The following RASGRP4 variants were observed in gnomAD, a reference collection of about 807,000 sequenced individuals.
The protein encoded by RASGRP4 is RAS guanyl-releasing protein 4.
Under a neutral mutation model 84.4 loss-of-function variants are expected in RASGRP4, and 52 were observed. That is an observed-to-expected ratio of 0.62 (90% CI 0.49 to 0.78). The LOEUF is 0.78. Among genes scored for constraint, RASGRP4 ranks in the 30% least tolerant of loss-of-function variants. The probability of loss-of-function intolerance (pLI) is 0.00; values close to 1 mark genes in which losing one functional copy is unlikely to be tolerated. For synonymous variants in RASGRP4, 356 were observed against 359.1 expected, an observed-to-expected ratio of 0.99 and a Z score of 0.10; for missense variants, 760 against 886.9, an observed-to-expected ratio of 0.86 and a Z score of 1.82.
Position 38,418,495 on chromosome 19 carries a change from C to T in RASGRP4, c.733G>A (p.Gly245Ser), listed in dbSNP as rs765995207. Reference sequence around the variant, plus strand: ...CAGCGGGACACGCTGTTGCTGAGACCTACGGAGCCCTCCAGGGCCGGGCAG... The same window carrying T: ...CAGCGGGACACGCTGTTGCTGAGACTTACGGAGCCCTCCAGGGCCGGGCAG... ...RGCPALEGSVGLSNSVSRWVQ... is the reference protein window; with the variant it reads ...RGCPALEGSVSLSNSVSRWVQ... The change falls in exon 7 of 17, where the codon GGT becomes AGT. Residue 245 changes from glycine to serine, a missense_variant. By Grantham distance (56) the Gly-to-Ser change is moderately conservative (BLOSUM62 0). Coordinates refer to ENST00000615439, the MANE Select transcript of RASGRP4 (RefSeq NM_170604.3). The surrounding 1 kb of genome is among the most constrained non-coding windows in gnomAD (Gnocchi z 4.6). 1.3e-6 allele frequency: 2 copies of T among 1,565,484 alleles called. No homozygotes were observed. Among genetic ancestry groups the T allele is most frequent in the Non-Finnish European group, 1.7e-6 (2 of 1,155,622 alleles).
Position 38,420,161 on chromosome 19 carries a change from G to T in RASGRP4, c.479C>A (p.Ala160Asp), listed in dbSNP as rs1442870500. The T allele has an allele frequency of 6.2e-7, 1 of 1,613,614 alleles. No individual in the cohort carries two copies. Among genetic ancestry groups the T allele is most frequent in the South Asian group, 1.1e-5 (1 of 91,048 alleles). Residue 160 changes from alanine (A) to aspartate (D), a missense_variant, in exon 5 of 17, where the codon GCC (alanine) becomes GAC (aspartate). Coordinates refer to ENST00000615439, the MANE Select transcript of RASGRP4 (RefSeq NM_170604.3). The stretch of plus-strand genomic sequence containing the variant: ...AGAAGAGTCTCCCAGTCTTCTCTGG[G>T]CTGAGTTGCCCTCCCGGGCCACGGT... ...WATVAREGNS[A>D]QRRLGDSSDL...
chr19:38,422,020 C>T lies in RASGRP4; in HGVS notation c.157G>A (p.Glu53Lys), dbSNP rs1221404707. Residue 53 changes from glutamate (E) to lysine (K), a missense_variant, in exon 2 of 17, where the codon GAG (glutamate) becomes AAG (lysine). Glu to Lys is a moderately conservative substitution (Grantham distance 56). Coordinates refer to ENST00000615439, the MANE Select transcript of RASGRP4 (RefSeq NM_170604.3). ...AGCTCATCTTCGCTGCAGCCGCCCT[C>T]ACTCAGCAGGCCCAGGTTCATGGAA... ...MASMNLGLLS[E>K]GGCSEDELLE... The T allele has an allele frequency of 6.2e-7, 1 of 1,613,442 alleles. No homozygotes were observed. The highest frequency in any genetic ancestry group is 2.2e-5 in the East Asian group (1 of 44,872).
In RASGRP4 at chr19:38,413,581, G is replaced by A; in HGVS notation, c.1231-107C>T. 1 of 914,058 alleles carries A rather than the reference G, an allele frequency of 1.1e-6. No homozygotes were observed. Among genetic ancestry groups the A allele is most frequent in the Non-Finnish European group, 1.7e-6 (1 of 581,966 alleles). The allele number at this position is 914,058 out of a possible 1,614,324, so 56.6% of individuals were successfully genotyped here. A position where few individuals can be genotyped will look rare whatever the true frequency, so the allele number is the denominator to read the frequency against. ...AAGCCCCTCCTGGGTTCAAATCCTG[G>A]CATTACTGCTGTGGGACAGTGGGCA... On this transcript the variant is annotated intron_variant, in intron 9 of 16. Transcript: ENST00000615439. The surrounding 1 kb of genome is among the most constrained non-coding windows in gnomAD (Gnocchi z 4.7).
In RASGRP4 at chr19:38,421,772, T is replaced by TTATA. The variant is rs59314692; in HGVS notation, c.208+193_208+196dup. ...TAAATATATATAATATACACATATA[T>TTATA]TATATATATATATAAATGTATATAT... On this transcript the variant is annotated intron_variant, in intron 2 of 16. Coordinates refer to ENST00000615439, the MANE Select transcript of RASGRP4 (RefSeq NM_170604.3). Among the ~76,000 whole-genome samples, 279 of 147,558 alleles carry TTATA rather than the reference T, an allele frequency of 1.9e-3. 3 individuals are homozygous for TTATA. The South Asian group carries it at 0.023, about 12-fold the overall frequency.
At position 38,409,210 on chromosome 19, in the gene RASGRP4, A is replaced by G. The variant is rs1334036948; in HGVS notation, c.*830T>C. On this transcript the variant is annotated 3_prime_UTR_variant, in exon 17 of 17. Transcript: ENST00000615439. ...CTCGACCCTCAAAGTTCTTTGCCCT[A>G]TAGCACATCTATCCTGTGCCGTGGG... is the stretch of plus-strand genomic sequence containing the variant. The G allele has an allele frequency of 8.9e-6, 2 of 223,616 alleles. No homozygotes were observed. Among genetic ancestry groups the G allele is most frequent in the Non-Finnish European group, 1.8e-5 (2 of 113,348 alleles). The allele number at this position is 223,616 out of a possible 1,614,324, so 13.9% of individuals were successfully genotyped here. A position where few individuals can be genotyped will look rare whatever the true frequency, so the allele number is the denominator to read the frequency against.
rs770658200 is a variant in RASGRP4 at position 38,419,932 on chromosome 19, G to A, written c.591C>T (p.Phe197=). The change falls in exon 6 of 17, where the codon TTC becomes TTT. Residue 197 remains phenylalanine (F), a synonymous_variant. Transcript: ENST00000615439. ...CCAGCTCCCCCGTCTCCAAGTGGTC[G>A]AAAAGCAAGGACACTTTGCGCTTTT... The part of the protein sequence containing the change: ...LGKKRKVSLL[F]DHLETGELAQ... 235 of 1,613,648 alleles carry A rather than the reference G, an allele frequency of 1.5e-4. 2 individuals carry two copies. In the South Asian group the frequency reaches 1.8e-3, roughly 12 times the overall value.
In RASGRP4 at chr19:38,413,491, TG is replaced by T; in HGVS notation, c.1231-18del. The T allele has an allele frequency of 6.3e-7, 1 of 1,576,574 alleles. No homozygotes were observed. ...CAGGGAGAGCTGGAGCAGACAGGGGTGTTACGGATCCTCCCATCTATAGCCC... is the reference window on the plus strand; with the variant it reads ...CAGGGAGAGCTGGAGCAGACAGGGGTTTACGGATCCTCCCATCTATAGCCC... On this transcript the variant is annotated intron_variant, in intron 9 of 16. Coordinates refer to ENST00000615439, the MANE Select transcript of RASGRP4 (RefSeq NM_170604.3). The surrounding 1 kb of genome is among the most constrained non-coding windows in gnomAD (Gnocchi z 4.7).
chr19:38,421,934 A>G (rs781528756), intron 2 of RASGRP4, 35 bp downstream of exon 2: 1 of 1,582,292 alleles, frequency 6.3e-7, no homozygotes, highest in African/African-American at 1.3e-5. Context: ...GCCCGAGGTT[A>G]GGGCCAGGGA....
intron 8 of RASGRP4, among the ~76,000 whole-genome samples, chr19:38,416,450 C>A (rs1415702666): frequency 1.7e-5 from 2 of 119,974 alleles, no homozygotes; most frequent in African/African-American, 7.1e-5. Context: ...GCGACAAGAG[C>A]GAGACTCTGT....
intron 16 of RASGRP4, 134 bp from the exon 17 acceptor site, chr19:38,410,230 CT>C: frequency 1.6e-6 from 1 of 626,124 alleles, no homozygotes; most frequent in Non-Finnish European, 2.7e-6. Context: ...CTGTGGAATC[CT>C]TTTTGTAACC....
At chr19:38,419,647 T>C (rs555708232) in intron 6 of RASGRP4, among the ~76,000 whole-genome samples, 2 of 152,346 alleles carry the variant, frequency 1.3e-5, no homozygotes, top group African/African-American at 4.8e-5. Context: ...TTGGCCAGGC[T>C]GGTCTCAAAC....
In RASGRP4 at chr19:38,419,720, A is replaced by C. The variant is rs563519265; in HGVS notation, c.663+140T>G. The C allele has an allele frequency of 5.7e-6, 5 of 883,142 alleles. No homozygotes were observed. The Admixed American group carries it at 8.2e-5, about 15-fold the overall frequency. The allele number at this position is 883,142 out of a possible 1,614,324, so 54.7% of individuals were successfully genotyped here. The stretch of plus-strand genomic sequence containing the variant: ...AACTCATTTTCCTGGACCTTCTAGC[A>C]TACAGGTTTGAGTTTAAGACTTTGA... On this transcript the variant is annotated intron_variant, in intron 6 of 16. Transcript: ENST00000615439.
chr19:38,415,039 G>A lies in RASGRP4; in HGVS notation c.1039C>T (p.Arg347Trp), dbSNP rs371482212. The stretch of plus-strand genomic sequence containing the variant: ...AGGTGCACGCCCAGTACAGGCAGCC[G>A]GAAACCCGCGCAGCCAGCCCAGGTG... The part of the protein sequence containing the change: ...RRTWAGCAGF[R>W]LPVLGVHLKD... The change falls in exon 9 of 17, where the codon CGG becomes TGG. Residue 347 changes from arginine to tryptophan, a missense_variant. Physicochemically the swap from Arg to Trp is moderately radical, Grantham distance 101 (BLOSUM62 -3). Transcript: ENST00000615439. 10 of 1,607,822 alleles carry A rather than the reference G, an allele frequency of 6.2e-6. No individual in the cohort carries two copies. The highest frequency in any genetic ancestry group is 4.5e-5 in the East Asian group (2 of 44,660).
chr19:38,420,790 TGTG>T (rs1322678394), intron 4 of RASGRP4, 115 bp downstream of exon 4: 1 of 1,002,886 alleles, frequency 1.0e-6, no homozygotes, highest in African/African-American at 1.6e-5. Context: ...GATTTTGGCC[TGTG>T]GGGCTGGTTG....
chr19:38,420,112 G>A lies in RASGRP4; in HGVS notation c.509+19C>T. On this transcript the variant is annotated intron_variant, in intron 5 of 16. Coordinates refer to ENST00000615439, the MANE Select transcript of RASGRP4 (RefSeq NM_170604.3). ...AATGGCGATGGGGCAGGGAAGAGGG[G>A]AGCACAGGGCTGACTCACAGGTCAG... 6.2e-7 allele frequency: 1 copy of A among 1,610,882 alleles called. No homozygotes were observed.
chr19:38,422,294 G>C, intron 1 of RASGRP4, 141 bp from the exon 2 acceptor site: 1 of 692,634 alleles, frequency 1.4e-6, no homozygotes, highest in South Asian at 2.0e-5. Context: ...GACCTACCAG[G>C]GACTCTAGAG....
intron 1 of RASGRP4, 46 bp downstream of exon 1, chr19:38,426,023 G>A: frequency 7.4e-7 from 1 of 1,350,188 alleles, no homozygotes; most frequent in South Asian, 2.0e-5. Context: ...CCATGCAGAG[G>A]GAGGCCTCAG....
rs1971530843 is a variant in RASGRP4 at position 38,417,119 on chromosome 19, C to T, written c.887G>A (p.Gly296Asp). The T allele has an allele frequency of 1.9e-6, 3 of 1,564,424 alleles. No individual in the cohort carries two copies. The highest frequency in any genetic ancestry group is 1.9e-5 in the Admixed American group (1 of 52,388). The change falls in exon 8 of 17, where the codon GGC becomes GAC. Residue 296 changes from glycine (G) to aspartate (D), a missense_variant. Coordinates refer to ENST00000615439, the MANE Select transcript of RASGRP4 (RefSeq NM_170604.3). This position sits in a 1 kb window ranked among gnomAD's most constrained non-coding sequence, Gnocchi z 5.1. ...TCTGGAGATGGCACTGTGACACAGGCCCCCTGTGACTGCCATCAGCGTGTT... is the reference window on the plus strand; with the variant it reads ...TCTGGAGATGGCACTGTGACACAGGTCCCCTGTGACTGCCATCAGCGTGTT... ...NFNTLMAVTG[G>D]LCHSAISRLK... is the part of the protein sequence containing the mutation.
At chr19:38,421,766 C>CAT (rs1485135273) in intron 2 of RASGRP4, among the ~76,000 whole-genome samples, 1 of 147,242 alleles carries the variant, frequency 6.8e-6, no homozygotes, top group African/African-American at 2.5e-5. Flanking sequence ...ATAATATACA[C>CAT]ATATATTATA....
Sources: allele counts gnomAD v4.1 joint callset (sites outside exome capture counted in the v4.1 genomes callset), GRCh38; gene constraint gnomAD v4.1.1; non-coding constraint Gnocchi (gnomAD v3.1); transcripts MANE v1.5; gene names NCBI Gene and HGNC (gene_info 2026-07-23, HGNC 2026-07-21).